The following GLG1 variants were observed in gnomAD, a reference collection of about 807,000 sequenced individuals.
GLG1 encodes golgi glycoprotein 1.
Under a neutral mutation model 160.5 loss-of-function variants are expected in GLG1, and 38 were observed. That is an observed-to-expected ratio of 0.24 (90% CI 0.18 to 0.31). The LOEUF is 0.31. Among genes scored for constraint, GLG1 ranks in the 10% least tolerant of loss-of-function variants. GLG1 has a pLI of 1.00. For synonymous variants in GLG1, 644 were observed against 543.4 expected, an observed-to-expected ratio of 1.19 and a Z score of -2.57; for missense variants, 1,373 against 1,505.2, an observed-to-expected ratio of 0.91 and a Z score of 1.45.
rs545433825 is a variant in GLG1 at position 74,607,071 on chromosome 16, C to G, written c.24G>C (p.Arg8=). The G allele has an allele frequency of 2.0e-5, 31 of 1,569,448 alleles. No homozygotes were observed. In the East Asian group the frequency reaches 3.3e-4, roughly 17 times the overall value. Residue 8 remains arginine, a synonymous_variant, in exon 1 of 26, where the codon CGG becomes CGC. Coordinates refer to ENST00000422840, the MANE Select transcript of GLG1 (RefSeq NM_001145667.2). MAACGRV[R]RMFRLSAALH... is the part of the protein sequence containing the mutation. ...GCGCCGCCGACAAGCGGAACATCCTCCGTACACGTCCACACGCCGCCATCT... is the reference window on the plus strand; with the variant it reads ...GCGCCGCCGACAAGCGGAACATCCTGCGTACACGTCCACACGCCGCCATCT...
At chr16:74,468,918 T>G in intron 17 of GLG1, 28 bp downstream of exon 17, 2 of 1,397,004 alleles carry the variant, frequency 1.4e-6, no homozygotes, top group Non-Finnish European at 2.0e-6. Context: ...CACTGTGGTT[T>G]CTGGGAGCAG....
At chr16:74,480,732 T>C in intron 10 of GLG1, among the ~76,000 whole-genome samples, 1 of 152,014 alleles carries the variant, frequency 6.6e-6, no homozygotes, top group East Asian at 1.9e-4. Flanking sequence ...TTGATATTTT[T>C]GGTAGAACAG....
intron 9 of GLG1, among the ~76,000 whole-genome samples, chr16:74,483,969 C>T (rs978105706): frequency 5.3e-5 from 8 of 151,976 alleles, no homozygotes; most frequent in Admixed American, 6.6e-5. Context: ...CAGATATTTT[C>T]AATTATCTTT....
In GLG1 at chr16:74,471,092, C is replaced by G. The variant is rs2015192222; in HGVS notation, c.2229+81G>C. The stretch of plus-strand genomic sequence containing the variant: ...GACTTTTAACAGAACATCAGAGGTG[C>G]TCTGATGTTCCAAAAAAGGAAAGGA... On this transcript the variant is annotated intron_variant, in intron 15 of 25. Coordinates refer to ENST00000422840, the MANE Select transcript of GLG1 (RefSeq NM_001145667.2). 7 of 825,676 alleles carry G rather than the reference C, an allele frequency of 8.5e-6. No homozygotes were observed. The East Asian group carries it at 1.5e-4, about 17-fold the overall frequency. The allele number at this position is 825,676 out of a possible 1,614,324, so 51.1% of individuals were successfully genotyped here.
chr16:74,463,167 C>T (rs2014867592), intron 20 of GLG1, 189 bp downstream of exon 20: 3 of 585,468 alleles, frequency 5.1e-6, no homozygotes, highest in Non-Finnish European at 8.9e-6. Context: ...TTGTGGCCTC[C>T]TCTCTCCCCT....
At chr16:74,505,829 T>C (rs1479841161) in intron 3 of GLG1, among the ~76,000 whole-genome samples, 1 of 151,834 alleles carries the variant, frequency 6.6e-6, no homozygotes, top group East Asian at 1.9e-4. Context: ...CATTCCACCC[T>C]GGGCAACAGA....
intron 1 of GLG1, among the ~76,000 whole-genome samples, chr16:74,554,138 A>G (rs1190699029): frequency 6.6e-6 from 1 of 152,222 alleles, no homozygotes; most frequent in African/African-American, 2.4e-5. Flanking sequence ...CCTTTCGCAC[A>G]AAATCAGTCA....
At position 74,503,524 on chromosome 16, in the gene GLG1, T is replaced by G; in HGVS notation, c.774+7A>C. On this transcript the variant is annotated splice_region_variant and intron_variant, in intron 4 of 25. Transcript: ENST00000422840. The stretch of plus-strand genomic sequence containing the variant: ...CCCTTTGTTGAAGCTAACGTAGTAT[T>G]AGATACCTTTTCTCCAAGCCGAATA... The G allele has an allele frequency of 1.3e-6, 2 of 1,577,270 alleles. No individual in the cohort carries two copies. The highest frequency in any genetic ancestry group is 1.7e-6 in the Non-Finnish European group (2 of 1,146,382).
At chr16:74,481,716 A>C (rs762721733) in intron 10 of GLG1, among the ~76,000 whole-genome samples, 1 of 152,206 alleles carries the variant, frequency 6.6e-6, no homozygotes, top group Non-Finnish European at 1.5e-5. Flanking sequence ...CTTTTGAGAT[A>C]GGGTCTCACC....
intron 10 of GLG1, among the ~76,000 whole-genome samples, chr16:74,482,133 G>C (rs2015623157): frequency 6.6e-6 from 1 of 151,994 alleles, no homozygotes; most frequent in Non-Finnish European, 1.5e-5. Context: ...AGGACTACAG[G>C]TGCACACTAC....
intron 2 of GLG1, among the ~76,000 whole-genome samples, chr16:74,527,412 A>G (rs12927268): frequency 7.3e-5 from 11 of 151,696 alleles, no homozygotes; most frequent in South Asian, 4.2e-4. Context: ...ACCACACCCA[A>G]CTAATTTTTA....
intron 1 of GLG1, among the ~76,000 whole-genome samples, chr16:74,580,260 G>A (rs941509694): frequency 8.6e-5 from 13 of 152,000 alleles, no homozygotes; most frequent in African/African-American, 2.7e-4. Flanking sequence ...GAGGTGGGAG[G>A]ATTGCTTGAG....
chr16:74,494,958 T>C, intron 5 of GLG1, 127 bp from the exon 6 acceptor site: 1 of 452,914 alleles, frequency 2.2e-6, no homozygotes, highest in Admixed American at 3.4e-5. Context: ...CAAACAGCGC[T>C]TCCATTTATA....
intron 2 of GLG1, among the ~76,000 whole-genome samples, chr16:74,529,809 GTTCTTTTTTT>G (rs1263241224): frequency 4.8e-5 from 5 of 104,104 alleles, no homozygotes; most frequent in African/African-American, 1.8e-4. Context: ...CTCTTTGAGA[GTTCTTTTTTT>G]TTTTTTTTTT....
chr16:74,449,746 C>A lies in GLG1; in HGVS notation c.*3421G>T, dbSNP rs2014212778. 1 of 152,478 alleles carries A rather than the reference C, an allele frequency of 6.6e-6. No individual in the cohort carries two copies. The highest frequency in any genetic ancestry group is 1.5e-5 in the Non-Finnish European group (1 of 68,264). The allele number at this position is 152,478 out of a possible 1,614,324, so 9.4% of individuals were successfully genotyped here. ...AATTCTCCTAGCTTTGAAGGATGCACTAACACAGAACTGCAGCTGGGGGTG... is the reference window on the plus strand; with the variant it reads ...AATTCTCCTAGCTTTGAAGGATGCAATAACACAGAACTGCAGCTGGGGGTG... On this transcript the variant is annotated 3_prime_UTR_variant, in exon 26 of 26. Transcript: ENST00000422840.
intron 1 of GLG1, among the ~76,000 whole-genome samples, chr16:74,583,118 T>C (rs1435419060): frequency 6.6e-6 from 1 of 152,148 alleles, no homozygotes; most frequent in East Asian, 1.9e-4. Context: ...CAAGCCTCTT[T>C]CCAACCCTTC....
At chr16:74,469,870 G>C in intron 16 of GLG1, 115 bp downstream of exon 16, 1 of 725,624 alleles carries the variant, frequency 1.4e-6, no homozygotes, top group Non-Finnish European at 2.5e-6. Context: ...GATGCGGGAG[G>C]CCTCCAGGGC....
At chr16:74,463,843 G>T in intron 19 of GLG1, 1 of 212,354 alleles carries the variant, frequency 4.7e-6, no homozygotes, top group Non-Finnish European at 9.5e-6. Flanking sequence ...CCAAAGTGCT[G>T]GGATTACAGG....
Position 74,451,804 on chromosome 16 carries a change from C to A in GLG1, c.*1363G>T. The A allele has an allele frequency of 2.2e-6, 1 of 460,086 alleles. No individual in the cohort carries two copies. Among genetic ancestry groups the A allele is most frequent in the South Asian group, 2.4e-5 (1 of 41,970 alleles). The allele number at this position is 460,086 out of a possible 1,614,324, so 28.5% of individuals were successfully genotyped here. ...CCTCTCACACCCAGACTTGTCATCT[C>A]CACACTGGAGGAATGAGGCGGGATG... On this transcript the variant is annotated 3_prime_UTR_variant, in exon 26 of 26. Transcript: ENST00000422840.
Sources: gnomAD v4.1 joint callset for allele counts (sites outside exome capture counted in the v4.1 genomes callset) on GRCh38, gnomAD v4.1.1 for gene constraint, MANE v1.5 for transcripts, NCBI Gene and HGNC (gene_info 2026-07-23, HGNC 2026-07-21) for gene names.